GRM8: variants seen among roughly 807,000 people sequenced by gnomAD.
The protein encoded by GRM8 is glutamate metabotropic receptor 8.
Under a neutral mutation model 87.2 loss-of-function variants are expected in GRM8, and 47 were observed. That is an observed-to-expected ratio of 0.54 (90% CI 0.43 to 0.69). GRM8 has a LOEUF of 0.69. Ranked by LOEUF, GRM8 falls within the 30% of genes least tolerant of loss-of-function variation. GRM8 has a pLI of 0.00. For missense variants in GRM8, 1,019 were observed against 1,139.2 expected, an observed-to-expected ratio of 0.89 and a Z score of 1.52; for synonymous variants, 396 against 404.5, an observed-to-expected ratio of 0.98 and a Z score of 0.25.
intron 9 of GRM8, among the ~76,000 whole-genome samples, chr7:126,489,811 C>T (rs1807792884): frequency 6.6e-6 from 1 of 151,984 alleles, no homozygotes; most frequent in Non-Finnish European, 1.5e-5. Context: ...GCATGCAAAG[C>T]AGTAGACAGA....
intron 7 of GRM8, among the ~76,000 whole-genome samples, chr7:126,750,870 C>T (rs1294430418): frequency 2.0e-5 from 3 of 151,944 alleles, no homozygotes; most frequent in Non-Finnish European, 4.4e-5. Context: ...AGGTGGTATA[C>T]CTTAATTACC....
chr7:126,591,741 A>C (rs1333937668), intron 8 of GRM8, among the ~76,000 whole-genome samples: 1 of 151,736 alleles, frequency 6.6e-6, no homozygotes, highest in African/African-American at 2.4e-5. Flanking sequence ...AGAACAAACT[A>C]AGCTCAAAGT....
chr7:127,142,726 C>T (rs920417176), intron 2 of GRM8, among the ~76,000 whole-genome samples: 7 of 151,750 alleles, frequency 4.6e-5, no homozygotes, highest in Non-Finnish European at 8.8e-5. Context: ...GATGGATGGA[C>T]GGACAGATGG....
chr7:126,585,631 C>A (rs182196506), intron 8 of GRM8, among the ~76,000 whole-genome samples: 103 of 152,220 alleles, frequency 6.8e-4, no homozygotes, highest in African/African-American at 2.4e-3. Flanking sequence ...AATTCAACAG[C>A]CCTTCATGCT....
chr7:127,064,281 C>G (rs1275783945), intron 3 of GRM8, among the ~76,000 whole-genome samples: 1 of 152,130 alleles, frequency 6.6e-6, no homozygotes, highest in Non-Finnish European at 1.5e-5. Flanking sequence ...TCTCTAAGAA[C>G]TTGCTTCATG....
At chr7:126,560,355 T>A (rs968510422) in intron 8 of GRM8, among the ~76,000 whole-genome samples, 5 of 152,100 alleles carry the variant, frequency 3.3e-5, no homozygotes, top group Non-Finnish European at 7.4e-5. Context: ...ATAGAGAAAA[T>A]TATATAAAAA....
chr7:126,521,298 T>C, intron 9 of GRM8, among the ~76,000 whole-genome samples: 1 of 152,106 alleles, frequency 6.6e-6, no homozygotes, highest in East Asian at 1.9e-4. Context: ...TTGGTATTTT[T>C]CCCAAGATAC....
At position 126,533,245 on chromosome 7, in the gene GRM8, A is replaced by G. The variant is rs1442533769; in HGVS notation, c.2137T>C (p.Trp713Arg). 2 of 1,613,522 alleles carry G rather than the reference A, an allele frequency of 1.2e-6. No homozygotes were observed. Among genetic ancestry groups the G allele is most frequent in the East Asian group, 4.5e-5 (2 of 44,806 alleles). The change falls in exon 9 of 11, where the codon TGG (tryptophan) becomes CGG (arginine). Residue 713 changes from tryptophan (W) to arginine (R), a missense_variant. Trp to Arg is a moderately radical substitution (Grantham distance 101). Coordinates refer to ENST00000339582, the MANE Select transcript of GRM8 (RefSeq NM_000845.3). ...ISVQLLGVFV[W>R]FVVDPPHIII... ...ATGTGGGGGGGATCCACAACAAACC[A>G]GACAAACACTCCAAGGAGCTGGACG...
intron 9 of GRM8, among the ~76,000 whole-genome samples, chr7:126,448,764 C>A (rs1420110772): frequency 6.6e-6 from 1 of 151,822 alleles, no homozygotes; most frequent in Non-Finnish European, 1.5e-5. Context: ...CTAACAAAAT[C>A]CTTAGCAAAC....
intron 2 of GRM8, among the ~76,000 whole-genome samples, chr7:127,185,528 T>C (rs1453621408): frequency 1.3e-5 from 2 of 151,990 alleles, no homozygotes; most frequent in Admixed American, 6.6e-5. Context: ...GAAGAAAACA[T>C]AGGAGAAAAT....
intron 2 of GRM8, among the ~76,000 whole-genome samples, chr7:127,175,595 G>A (rs1194870105): frequency 6.6e-6 from 1 of 152,036 alleles, no homozygotes; most frequent in Non-Finnish European, 1.5e-5. Flanking sequence ...AAGCCAGAAG[G>A]AACAAACACT....
At chr7:126,742,212 T>C (rs61756450) in intron 7 of GRM8, among the ~76,000 whole-genome samples, 3,346 of 152,182 alleles carry the variant, frequency 0.022, 137 homozygotes, top group African/African-American at 0.076. Context: ...GTATTATTAT[T>C]ATGATTGTTG....
chr7:126,485,459 G>A (rs765620531), intron 9 of GRM8, among the ~76,000 whole-genome samples: 1 of 151,934 alleles, frequency 6.6e-6, no homozygotes, highest in Admixed American at 6.6e-5. Context: ...GTGTGTCCTC[G>A]ATCCCCATAA....
chr7:127,136,963 T>C (rs1355176076), intron 2 of GRM8, among the ~76,000 whole-genome samples: 1 of 152,102 alleles, frequency 6.6e-6, no homozygotes. Flanking sequence ...AAAAAAAGAA[T>C]AATTGCATAT....
chr7:126,659,959 C>T (rs1254190838), intron 7 of GRM8, among the ~76,000 whole-genome samples: 1 of 152,026 alleles, frequency 6.6e-6, no homozygotes, highest in Non-Finnish European at 1.5e-5. Context: ...TATATTAATC[C>T]ATCCTCTGTC....
chr7:126,747,267 C>A (rs1815806541), intron 7 of GRM8, among the ~76,000 whole-genome samples: 1 of 151,968 alleles, frequency 6.6e-6, no homozygotes, highest in South Asian at 2.1e-4. Context: ...TTCATAACTT[C>A]AACTACAAAA....
In GRM8 at chr7:127,179,955, G is replaced by T. The variant is rs192848340; in HGVS notation, c.510+62740C>A. Among the ~76,000 whole-genome samples the T allele has an allele frequency of 2.0e-5, 3 of 151,850 alleles. No homozygotes were observed. In the East Asian group the frequency reaches 5.8e-4, roughly 29 times the overall value. On this transcript the variant is annotated intron_variant, in intron 2 of 10. Transcript: ENST00000339582. ...ACCTCAAGGAGCAAGAGAAACAAGC[G>T]CAAACCAAACCCAAACCCAGCAGAA...
chr7:127,142,475 C>T (rs1393312116), intron 2 of GRM8, among the ~76,000 whole-genome samples: 4 of 152,290 alleles, frequency 2.6e-5, no homozygotes, highest in South Asian at 2.1e-4. Flanking sequence ...AATTGCAGAT[C>T]ATAACCCTGA....
intron 3 of GRM8, among the ~76,000 whole-genome samples, chr7:126,977,864 A>C (rs28951980): frequency 1.3e-5 from 2 of 152,366 alleles, no homozygotes; most frequent in East Asian, 3.9e-4. Context: ...TTGGAAGCTG[A>C]CAGGTTGGAG....
Sources: allele counts gnomAD v4.1 joint callset (sites outside exome capture counted in the v4.1 genomes callset), GRCh38; gene constraint gnomAD v4.1.1; transcripts MANE v1.5; gene names NCBI Gene and HGNC (gene_info 2026-07-23, HGNC 2026-07-21).